The following SH3GL3 variants were observed in gnomAD, a reference collection of about 807,000 sequenced individuals.
The protein encoded by SH3GL3 is SH3 domain containing GRB2 like 3, endophilin A3, also known as endophilin-A3.
In SH3GL3, 33 loss-of-function variants were observed where a neutral mutation model predicts 47.7. The ratio of observed to expected loss-of-function variants is 0.69; its 90% CI spans 0.52 to 0.92. The LOEUF (loss-of-function observed/expected upper bound fraction) is 0.92, where lower values mean the gene tolerates loss of function less well. Among genes scored for constraint, SH3GL3 ranks in the 40% least tolerant of loss-of-function variants. The pLI is 0.00. For missense variants in SH3GL3, 363 were observed against 417.8 expected, an observed-to-expected ratio of 0.87 and a Z score of 1.14; for synonymous variants, 155 against 148.8, an observed-to-expected ratio of 1.04 and a Z score of -0.30.
rs1567318555 is a variant in SH3GL3, at chr15:83,541,310, C to CAATTTTTTTTTTTTT, written c.46-17943_46-17942insAATTTTTTTTTTTTT. On this transcript the variant is annotated intron_variant, in intron 1 of 8. Transcript: ENST00000427482. ...GGGATGGCTGGATCATATGGTAATT[C>CAATTTTTTTTTTTTT]TATTTTTTTTTTTTTTTTTTTTTTT... is the stretch of plus-strand genomic sequence containing the variant. Among the ~76,000 whole-genome samples the CAATTTTTTTTTTTTT allele has an allele frequency of 1.9e-4, 9 of 47,746 alleles. 1 individual carries two copies. The highest frequency in any genetic ancestry group is 5.9e-4 in the African/African-American group (9 of 15,288). The allele number at this position is 47,746 out of a possible 152,430, so 31.3% of individuals were successfully genotyped here.
intron 8 of SH3GL3, among the ~76,000 whole-genome samples, chr15:83,608,391 T>A (rs2060583241): frequency 6.6e-6 from 1 of 152,138 alleles, no homozygotes; most frequent in Admixed American, 6.5e-5. Flanking sequence ...TCCAGTGCGC[T>A]CTTACCCATG....
At chr15:83,576,514 T>A (rs1032667263) in intron 5 of SH3GL3, 69 bp from the exon 6 acceptor site, 1 of 1,407,970 alleles carries the variant, frequency 7.1e-7, no homozygotes, top group African/African-American at 1.4e-5. Context: ...ACCATTTTAA[T>A]AGAAATAATT....
At chr15:83,478,113 G>A (rs937336327) in intron 1 of SH3GL3, among the ~76,000 whole-genome samples, 2 of 152,138 alleles carry the variant, frequency 1.3e-5, no homozygotes, top group South Asian at 2.1e-4. Context: ...TCATTAAACC[G>A]AAAGCTGAAG....
At chr15:83,574,532 C>G (rs187936476) in intron 5 of SH3GL3, among the ~76,000 whole-genome samples, 2 of 152,284 alleles carry the variant, frequency 1.3e-5, no homozygotes, top group South Asian at 2.1e-4. Flanking sequence ...CATTTACACA[C>G]AGCACAGCTG....
intron 8 of SH3GL3, among the ~76,000 whole-genome samples, chr15:83,598,318 G>T (rs138385746): frequency 6.6e-6 from 1 of 152,114 alleles, no homozygotes; most frequent in East Asian, 1.9e-4. Context: ...AGTTTTGAGC[G>T]CCCTTAGACT....
chr15:83,532,801 T>C (rs1390623754), intron 1 of SH3GL3, among the ~76,000 whole-genome samples: 1 of 152,220 alleles, frequency 6.6e-6, no homozygotes, highest in Non-Finnish European at 1.5e-5. Context: ...AATCTCAAGC[T>C]GATTGATGCA....
intron 1 of SH3GL3, among the ~76,000 whole-genome samples, chr15:83,521,859 T>C (rs1263562494): frequency 6.6e-6 from 1 of 152,198 alleles, no homozygotes; most frequent in African/African-American, 2.4e-5. Context: ...ATGTGTTGTG[T>C]CTGATTAATT....
intron 1 of SH3GL3, among the ~76,000 whole-genome samples, chr15:83,458,737 C>T (rs1344895873): frequency 6.6e-6 from 1 of 152,202 alleles, no homozygotes; most frequent in Non-Finnish European, 1.5e-5. Flanking sequence ...CCCATCTCCT[C>T]TCATTTTCTC....
At chr15:83,528,985 T>C (rs1445395069) in intron 1 of SH3GL3, among the ~76,000 whole-genome samples, 1 of 152,154 alleles carries the variant, frequency 6.6e-6, no homozygotes, top group African/African-American at 2.4e-5. Context: ...TGAAGATGTG[T>C]TTATGTTGAT....
intron 1 of SH3GL3, among the ~76,000 whole-genome samples, chr15:83,470,164 C>T (rs1398940839): frequency 2.0e-5 from 3 of 152,144 alleles, no homozygotes; most frequent in Non-Finnish European, 2.9e-5. Context: ...TGGATTAATG[C>T]TCGCATAATA....
chr15:83,462,126 A>G (rs1476746850), intron 1 of SH3GL3, among the ~76,000 whole-genome samples: 1 of 152,222 alleles, frequency 6.6e-6, no homozygotes, highest in East Asian at 1.9e-4. Flanking sequence ...ACATCTTAAT[A>G]TAAATTACAA....
At chr15:83,516,858 A>C (rs1596158299) in intron 1 of SH3GL3, among the ~76,000 whole-genome samples, 1 of 152,214 alleles carries the variant, frequency 6.6e-6, no homozygotes, top group East Asian at 1.9e-4. Context: ...TGAACTTCTA[A>C]AATTAGGGCC....
At position 83,450,976 on chromosome 15, in the gene SH3GL3, C is replaced by CT. The variant is rs541749457; in HGVS notation, c.45+3399dup. Among the ~76,000 whole-genome samples, 113 of 119,576 alleles carry CT rather than the reference C, an allele frequency of 9.5e-4. No homozygotes were observed. In the South Asian group the frequency reaches 0.03, roughly 32 times the overall value. The allele number at this position is 119,576 out of a possible 152,430, so 78.4% of individuals were successfully genotyped here. A position where few individuals can be genotyped will look rare whatever the true frequency, so the allele number is the denominator to read the frequency against. ...CCCCCTCCCCCGACCCCACCACAGT[C>CT]TCCAGAGTGTGTTATTCCCCTTCCT... is the stretch of plus-strand genomic sequence containing the variant. On this transcript the variant is annotated intron_variant, in intron 1 of 8. Coordinates refer to ENST00000427482, the MANE Select transcript of SH3GL3 (RefSeq NM_003027.5).
At chr15:83,594,993 G>A (rs554908942) in intron 8 of SH3GL3, among the ~76,000 whole-genome samples, 5 of 152,148 alleles carry the variant, frequency 3.3e-5, no homozygotes, top group African/African-American at 9.6e-5. Flanking sequence ...CAGCATTCCC[G>A]TTACCGCATA....
intron 8 of SH3GL3, among the ~76,000 whole-genome samples, chr15:83,608,872 T>C (rs547125196): frequency 6.6e-6 from 1 of 152,052 alleles, no homozygotes; most frequent in African/African-American, 2.4e-5. Flanking sequence ...CATTCCTGAC[T>C]GGGGCATGGA....
At chr15:83,587,125 G>A (rs767439630) in intron 7 of SH3GL3, 39 bp downstream of exon 7, 3 of 1,074,396 alleles carry the variant, frequency 2.8e-6, no homozygotes, top group Non-Finnish European at 4.2e-6. Flanking sequence ...AAGGGCTGCG[G>A]AGGTAACATC....
chr15:83,547,266 G>A (rs1179086925), intron 1 of SH3GL3, among the ~76,000 whole-genome samples: 1 of 152,222 alleles, frequency 6.6e-6, no homozygotes, highest in Non-Finnish European at 1.5e-5. Context: ...GCTAGGGCTA[G>A]TCTAAGTGCT....
chr15:83,617,683 G>A (rs1439920509), intron 8 of SH3GL3, among the ~76,000 whole-genome samples: 2 of 152,022 alleles, frequency 1.3e-5, no homozygotes, highest in Admixed American at 6.6e-5. Context: ...CTCAAAAATA[G>A]ATAAATAAAT....
intron 1 of SH3GL3, among the ~76,000 whole-genome samples, chr15:83,507,259 C>T (rs2042551368): frequency 6.6e-6 from 1 of 152,080 alleles, no homozygotes; most frequent in Non-Finnish European, 1.5e-5. Context: ...CCGCCCACCT[C>T]GACCTCCCAA....
Sources: gnomAD v4.1 joint callset for allele counts (sites outside exome capture counted in the v4.1 genomes callset) on GRCh38, gnomAD v4.1.1 for gene constraint, MANE v1.5 for transcripts, NCBI Gene and HGNC (gene_info 2026-07-23, HGNC 2026-07-21) for gene names.